The following OTUD7A variants were observed in gnomAD, a reference collection of about 807,000 sequenced individuals.
OTUD7A encodes OTU deubiquitinase 7A.
Under a neutral mutation model 65.7 loss-of-function variants are expected in OTUD7A, and 12 were observed. That is an observed-to-expected ratio of 0.18 (90% confidence interval 0.12 to 0.30). The LOEUF is 0.30. Ranked by LOEUF, OTUD7A falls within the 10% of genes least tolerant of loss-of-function variation. The pLI is 1.00. For missense variants in OTUD7A, 1,148 were observed against 1,304.8 expected, an observed-to-expected ratio of 0.88 and a Z score of 1.85; for synonymous variants, 641 against 586.3, an observed-to-expected ratio of 1.09 and a Z score of -1.35.
At chr15:31,708,970 C>G (rs1041117820) in intron 1 of OTUD7A, among the ~76,000 whole-genome samples, 1 of 151,440 alleles carries the variant, frequency 6.6e-6, no homozygotes, top group Non-Finnish European at 1.5e-5. Flanking sequence ...TGACAGCAGT[C>G]GAGGAGTAGA....
chr15:31,782,713 C>T (rs1895572893), intron 1 of OTUD7A, among the ~76,000 whole-genome samples: 1 of 152,086 alleles, frequency 6.6e-6, no homozygotes, highest in South Asian at 2.1e-4. Flanking sequence ...GACTTCATGA[C>T]TGATTGGCTT....
At chr15:31,793,714 C>T (rs554835872) in intron 1 of OTUD7A, among the ~76,000 whole-genome samples, 4 of 152,360 alleles carry the variant, frequency 2.6e-5, no homozygotes, top group African/African-American at 9.6e-5. Context: ...CCTTCCATTG[C>T]ACACTTCTCT....
At chr15:31,853,629 G>A (rs534717998) in intron 1 of OTUD7A, among the ~76,000 whole-genome samples, 18 of 152,212 alleles carry the variant, frequency 1.2e-4, no homozygotes, top group East Asian at 1.9e-4. Context: ...CTGTGGACTC[G>A]GCCTTGTACA....
chr15:31,601,688 G>C (rs1268631607), intron 3 of OTUD7A, among the ~76,000 whole-genome samples: 3 of 151,938 alleles, frequency 2.0e-5, no homozygotes, highest in Non-Finnish European at 2.9e-5. Context: ...TTTTTGAAAA[G>C]ATCAACAAAA....
chr15:31,843,331 CAA>C (rs80294740), intron 1 of OTUD7A, among the ~76,000 whole-genome samples: 1,002 of 83,578 alleles, frequency 0.012, 13 homozygotes, highest in African/African-American at 0.039. Context: ...ATTTTTTCTC[CAA>C]AAAAAAAAAA....
intron 1 of OTUD7A, among the ~76,000 whole-genome samples, chr15:31,779,295 T>G (rs1355590044): frequency 1.3e-5 from 2 of 152,198 alleles, no homozygotes; most frequent in African/African-American, 4.8e-5. Context: ...TCCTCAGGAA[T>G]CGTCACGCTG....
intron 1 of OTUD7A, among the ~76,000 whole-genome samples, chr15:31,661,042 T>C (rs1290537366): frequency 6.6e-6 from 1 of 152,226 alleles, no homozygotes; most frequent in Admixed American, 6.5e-5. Flanking sequence ...TCAGGGGCCA[T>C]GACTGGGCCT....
At chr15:31,645,348 CTGGAAG>C (rs775718584) in intron 3 of OTUD7A, among the ~76,000 whole-genome samples, 1 of 152,158 alleles carries the variant, frequency 6.6e-6, no homozygotes, top group Non-Finnish European at 1.5e-5. Flanking sequence ...TTCATCTTGG[CTGGAAG>C]TGGAAGTTTC....
At chr15:31,820,269 G>A (rs66681335) in intron 1 of OTUD7A, among the ~76,000 whole-genome samples, 14,476 of 152,120 alleles carry the variant, frequency 0.095, 1,146 homozygotes, top group East Asian at 0.45. Flanking sequence ...AAAAATATAA[G>A]GTATAGATGT....
At chr15:31,783,466 A>T (rs1196867480) in intron 1 of OTUD7A, among the ~76,000 whole-genome samples, 1 of 152,248 alleles carries the variant, frequency 6.6e-6, no homozygotes, top group Non-Finnish European at 1.5e-5. Flanking sequence ...GGCAATAGCA[A>T]CCACTGTGCC....
chr15:31,780,678 A>G (rs906136905), intron 1 of OTUD7A, among the ~76,000 whole-genome samples: 1 of 152,248 alleles, frequency 6.6e-6, no homozygotes, highest in Non-Finnish European at 1.5e-5. Flanking sequence ...ATCTTCTTTA[A>G]TAAGATCAAG....
intron 1 of OTUD7A, among the ~76,000 whole-genome samples, chr15:31,819,593 A>T (rs912241154): frequency 6.6e-6 from 1 of 152,172 alleles, no homozygotes; most frequent in Non-Finnish European, 1.5e-5. Context: ...TGAAATTCCA[A>T]TGTATTTTAT....
rs141043858 is a variant in OTUD7A at position 31,739,105 on chromosome 15, G to C, written c.-99-82028C>G. Among the ~76,000 whole-genome samples the C allele has an allele frequency of 4.6e-5, 7 of 152,280 alleles. No individual in the cohort carries two copies. In the East Asian group the frequency reaches 1.4e-3, roughly 29 times the overall value. ...CAGAGAAATTTCTGGATGTGGGTCTGGGACTGATTTACAAACACCCCAGGT... is the reference window on the plus strand; with the variant it reads ...CAGAGAAATTTCTGGATGTGGGTCTCGGACTGATTTACAAACACCCCAGGT... On this transcript the variant is annotated intron_variant, in intron 1 of 12. Transcript: ENST00000307050.
At chr15:31,815,947 G>T (rs971179467) in intron 1 of OTUD7A, among the ~76,000 whole-genome samples, 2 of 152,230 alleles carry the variant, frequency 1.3e-5, no homozygotes, top group African/African-American at 4.8e-5. Context: ...ACAGCAGGTG[G>T]TGACTTACAC....
At chr15:31,628,524 G>T (rs1010034505) in intron 3 of OTUD7A, among the ~76,000 whole-genome samples, 24 of 151,852 alleles carry the variant, frequency 1.6e-4, no homozygotes, top group African/African-American at 2.4e-5. Flanking sequence ...AGTCAGGTAG[G>T]GTGATGCCTC....
chr15:31,505,648 G>C (rs1417869666), intron 8 of OTUD7A, among the ~76,000 whole-genome samples: 1 of 152,072 alleles, frequency 6.6e-6, no homozygotes, highest in Non-Finnish European at 1.5e-5. Flanking sequence ...CTTTGTAAGA[G>C]TGGTAGAGAT....
intron 3 of OTUD7A, among the ~76,000 whole-genome samples, chr15:31,641,408 T>C (rs1191691593): frequency 6.6e-6 from 1 of 152,226 alleles, no homozygotes; most frequent in Non-Finnish European, 1.5e-5. Flanking sequence ...TTTCAAAGTT[T>C]GTTTTGTTTA....
rs561118593 is a variant in OTUD7A, at chr15:31,571,136, C to T, written c.152-939G>A. On this transcript the variant is annotated intron_variant, in intron 3 of 12. Transcript: ENST00000307050. The stretch of plus-strand genomic sequence containing the variant: ...ATTGTAGGCTGGTATCAAAATATCA[C>T]ATCTGCCCCATCAATATACATATTG... Among the ~76,000 whole-genome samples the T allele has an allele frequency of 1.0e-3, 156 of 152,220 alleles. 1 individual carries two copies. In the South Asian group the frequency reaches 0.011, roughly 10 times the overall value.
chr15:31,835,720 G>A (rs943159412), intron 1 of OTUD7A, among the ~76,000 whole-genome samples: 14 of 150,732 alleles, frequency 9.3e-5, no homozygotes, highest in African/African-American at 3.0e-4. Flanking sequence ...AAATACATAG[G>A]TATATACATG....
Sources: gnomAD v4.1 joint callset for allele counts (sites outside exome capture counted in the v4.1 genomes callset) on GRCh38, gnomAD v4.1.1 for gene constraint, MANE v1.5 for transcripts, NCBI Gene and HGNC (gene_info 2026-07-23, HGNC 2026-07-21) for gene names.